PMM2: variants seen among roughly 807,000 people sequenced by gnomAD.
PMM2 encodes the protein mannose-6-phosphate isomerase.
PMM2 carries 35 observed loss-of-function variants against 33.2 expected under a neutral mutation model. The observed-to-expected ratio is 1.06, with a 90% CI of 0.81 to 1.40. PMM2 has a LOEUF of 1.40. Ranked by LOEUF, PMM2 falls within the 40% of genes most tolerant of loss-of-function variation. PMM2 has a pLI of 0.00. For synonymous variants in PMM2, 153 were observed against 114.7 expected (o/e 1.33, Z -2.13); for missense variants, 386 against 306.0 (o/e 1.26, Z -1.95).
chr16:8,804,341 AC>A (rs1555449160), intron 2 of PMM2, among the ~76,000 whole-genome samples: 1 of 151,850 alleles, frequency 6.6e-6, no homozygotes, highest in Non-Finnish European at 1.5e-5. Context: ...ACCGCACCCG[AC>A]CCAAAGAGCT....
At chr16:8,832,812 C>T in intron 7 of PMM2, 4 of 985,442 alleles carry the variant, frequency 4.1e-6, no homozygotes, top group Non-Finnish European at 4.8e-6. Flanking sequence ...CAGCCCCTGC[C>T]CATCCTCCCT....
chr16:8,806,263 GT>G, intron 3 of PMM2, 52 bp from the exon 4 acceptor site: 1 of 1,207,832 alleles, frequency 8.3e-7, no homozygotes, highest in East Asian at 2.3e-5. Context: ...CTATGAAGCT[GT>G]TTTGAAAATG....
chr16:8,847,864 A>G lies in PMM2; in HGVS notation c.*39A>G, dbSNP rs1196244322. 7 of 1,486,578 alleles carry G rather than the reference A, an allele frequency of 4.7e-6. No homozygotes were observed. Among genetic ancestry groups the G allele is most frequent in the Non-Finnish European group, 6.6e-6 (7 of 1,068,590 alleles). The allele number at this position is 1,486,578 out of a possible 1,614,324, so 92.1% of individuals were successfully genotyped here. On this transcript the variant is annotated 3_prime_UTR_variant, in exon 8 of 8. Coordinates refer to ENST00000268261, the MANE Select transcript of PMM2 (RefSeq NM_000303.3). ...GGGGCGGGGTCCCGGCTGACAAGCCAGCATAGGGCATTCGGTGGCCAGAGC... is the reference window on the plus strand; with the variant it reads ...GGGGCGGGGTCCCGGCTGACAAGCCGGCATAGGGCATTCGGTGGCCAGAGC...
Position 8,797,961 on chromosome 16 carries a change from C to G in PMM2, c.66+13C>G. 6.3e-7 allele frequency: 1 copy of G among 1,591,722 alleles called. No individual in the cohort carries two copies. Among genetic ancestry groups the G allele is most frequent in the Non-Finnish European group, 8.5e-7 (1 of 1,170,408 alleles). On this transcript the variant is annotated intron_variant, in intron 1 of 7. Transcript: ENST00000268261. ...CGCCCCGCGGCAGGTAAGTGGCGGC[C>G]GGCGGGCTGCTGGCAGCCGACGCGG...
Position 8,801,771 on chromosome 16 carries a change from C to T in PMM2, c.67-28C>T, listed in dbSNP as rs1201302759. On this transcript the variant is annotated intron_variant, in intron 1 of 7. Transcript: ENST00000268261. ...CTCCTGATTATTGTGTGGCTTATGA[C>T]TGTTGTATTTTCTTTCTTGAAATTT... 2.2e-6 allele frequency: 3 copies of T among 1,349,672 alleles called. No homozygotes were observed. In the East Asian group the frequency reaches 7.3e-5, roughly 33 times the overall value. The allele number at this position is 1,349,672 out of a possible 1,614,324, so 83.6% of individuals were successfully genotyped here. A position where few individuals can be genotyped will look rare whatever the true frequency, so the allele number is the denominator to read the frequency against.
At chr16:8,815,285 T>C (rs901057834) in intron 7 of PMM2, among the ~76,000 whole-genome samples, 4 of 150,316 alleles carry the variant, frequency 2.7e-5, no homozygotes, top group Non-Finnish European at 5.9e-5. Flanking sequence ...AGTGGCACCA[T>C]CTTGGCTCAC....
chr16:8,813,868 T>C (rs1427597736), intron 7 of PMM2, among the ~76,000 whole-genome samples: 2 of 142,968 alleles, frequency 1.4e-5, no homozygotes, highest in East Asian at 4.0e-4. Context: ...TTTTTTTTTT[T>C]TTTTTTTTTT....
chr16:8,847,543 CTCT>C (rs1194098808), intron 7 of PMM2, 178 bp from the exon 8 acceptor site: 7 of 613,836 alleles, frequency 1.1e-5, no homozygotes, highest in South Asian at 1.9e-5. Flanking sequence ...GGTTATAAAT[CTCT>C]TCTTAATAAC....
rs1411310721 is a variant in PMM2 at position 8,847,690 on chromosome 16, G to GACAGACGA, written c.640-34_640-33insACAGACGA. On this transcript the variant is annotated intron_variant, in intron 7 of 7. Coordinates refer to ENST00000268261, the MANE Select transcript of PMM2 (RefSeq NM_000303.3). Reference sequence around the variant, plus strand: ...TCAGCAATGGCCCGGGACAGACGAGGGGGAGCCTTCATCTGTACTTCGTGT... The same window carrying GACAGACGA: ...TCAGCAATGGCCCGGGACAGACGAGGACAGACGAGGGAGCCTTCATCTGTACTTCGTGT... 2.0e-6 allele frequency: 3 copies of GACAGACGA among 1,507,620 alleles called. No individual in the cohort carries two copies. In the African/African-American group the frequency reaches 4.1e-5, roughly 21 times the overall value. 93.4% of individuals were successfully genotyped at this position (1,507,620 alleles called of 1,614,324 possible). A position where few individuals can be genotyped will look rare whatever the true frequency, so the allele number is the denominator to read the frequency against.
In PMM2 at chr16:8,841,490, A is replaced by AG. The variant is rs1266945199; in HGVS notation, c.640-6234_640-6233insG. 6.9e-5 allele frequency among the ~76,000 whole-genome samples: 9 copies of AG among 130,796 alleles called. No individual in the cohort carries two copies. In the East Asian group the frequency reaches 2.0e-3, roughly 30 times the overall value. The allele number at this position is 130,796 out of a possible 152,430, so 85.8% of individuals were successfully genotyped here. Reference sequence around the variant, plus strand: ...TTCAAGCTTGATGTGTAGGGAAGGGAAGGGGCCTGAATAATCCCTGAGGAG... The same window carrying AG: ...TTCAAGCTTGATGTGTAGGGAAGGGAGAGGGGCCTGAATAATCCCTGAGGAG... On this transcript the variant is annotated intron_variant, in intron 7 of 7. Coordinates refer to ENST00000268261, the MANE Select transcript of PMM2 (RefSeq NM_000303.3).
In PMM2 at chr16:8,811,166, C is replaced by A. The variant is rs550231531; in HGVS notation, c.435C>A (p.Tyr145Ter). Reference protein sequence around the residue: ...SCSQEERIEFYELDKKENIRQ... With the variant: ...SCSQEERIEF Reference sequence around the variant, plus strand: ...GCCAAGAAGAACGCATTGAGTTCTACGAACTCGATAAAGTACGTCTTTCTG... The same window carrying A: ...GCCAAGAAGAACGCATTGAGTTCTAAGAACTCGATAAAGTACGTCTTTCTG... The change falls in exon 5 of 8, where the codon TAC becomes TAA. Residue 145 changes from tyrosine to a stop codon, truncating the protein, a stop_gained. Coordinates refer to ENST00000268261, the MANE Select transcript of PMM2 (RefSeq NM_000303.3). LOFTEE classifies it high-confidence loss of function. The A allele has an allele frequency of 6.4e-7, 1 of 1,558,118 alleles. No homozygotes were observed. The highest frequency in any genetic ancestry group is 2.3e-5 in the East Asian group (1 of 42,756).
intron 4 of PMM2, 106 bp downstream of exon 4, chr16:8,806,513 GT>G: frequency 1.3e-6 from 1 of 795,422 alleles, no homozygotes; most frequent in South Asian, 1.4e-5. Flanking sequence ...CACCTAAAGA[GT>G]TTTAAAAACA....
chr16:8,814,510 T>C (rs1705963703), intron 7 of PMM2, among the ~76,000 whole-genome samples: 1 of 152,228 alleles, frequency 6.6e-6, no homozygotes, highest in Admixed American at 6.5e-5. Flanking sequence ...ATGAAAGATT[T>C]GCTTTTCAGC....
Position 8,848,870 on chromosome 16 carries a change from T to A in PMM2, c.*1045T>A, listed in dbSNP as rs1183100139. 2 of 152,272 alleles carry A rather than the reference T, an allele frequency of 1.3e-5. No individual in the cohort carries two copies. The highest frequency in any genetic ancestry group is 2.9e-5 in the Non-Finnish European group (2 of 68,064). The allele number at this position is 152,272 out of a possible 1,614,324, so 9.4% of individuals were successfully genotyped here. A position where few individuals can be genotyped will look rare whatever the true frequency, so the allele number is the denominator to read the frequency against. ...CAGCTAGGTCCGCGTCCCTCACTCT[T>A]TTCATCTTCTGCACGTTCTTCGTGA... On this transcript the variant is annotated 3_prime_UTR_variant, in exon 8 of 8. Transcript: ENST00000268261.
At chr16:8,798,570 A>C (rs72766363) in intron 1 of PMM2, among the ~76,000 whole-genome samples, 28,259 of 151,930 alleles carry the variant, frequency 0.19, 2,864 homozygotes, top group East Asian at 0.33. Context: ...CCTCCACCAC[A>C]CCCATCTCCA....
At chr16:8,805,686 G>A (rs1431457028) in intron 3 of PMM2, among the ~76,000 whole-genome samples, 1 of 151,408 alleles carries the variant, frequency 6.6e-6, no homozygotes, top group African/African-American at 2.4e-5. Flanking sequence ...TCTGCCTCCT[G>A]GGTTCAAATG....
rs1260653508 is a variant in PMM2, at chr16:8,848,718, T to G, written c.*893T>G. ...GCCCCTGGCTGGCTTCCTGGAGGCG[T>G]TCGCCTCTAGTTTCTCAGGGATGGA... On this transcript the variant is annotated 3_prime_UTR_variant, in exon 8 of 8. Transcript: ENST00000268261. 2 of 152,262 alleles carry G rather than the reference T, an allele frequency of 1.3e-5. No homozygotes were observed. Among genetic ancestry groups the G allele is most frequent in the Non-Finnish European group, 2.9e-5 (2 of 68,102 alleles). The allele number at this position is 152,262 out of a possible 1,614,324, so 9.4% of individuals were successfully genotyped here. A position where few individuals can be genotyped will look rare whatever the true frequency, so the allele number is the denominator to read the frequency against.
chr16:8,817,828 A>G (rs919203190), intron 7 of PMM2, among the ~76,000 whole-genome samples: 3 of 152,024 alleles, frequency 2.0e-5, no homozygotes, highest in Non-Finnish European at 4.4e-5. Context: ...GGATCCTTAC[A>G]TGTTGTTTTA....
Position 8,811,689 on chromosome 16 carries a change from G to A in PMM2, c.499G>A (p.Gly167Arg). ...FVADLRKEFA[G>R]KGLTFSIGGQ... ...AGCAGATCTACGGAAAGAGTTTGCT[G>A]GAAAAGGCCTCACGTTTTCCATAGG... The change falls in exon 6 of 8, where the codon GGA becomes AGA. Residue 167 changes from glycine to arginine, a missense_variant. Coordinates refer to ENST00000268261, the MANE Select transcript of PMM2 (RefSeq NM_000303.3). 6.2e-7 allele frequency: 1 copy of A among 1,612,768 alleles called. No individual in the cohort carries two copies. Among genetic ancestry groups the A allele is most frequent in the Non-Finnish European group, 8.5e-7 (1 of 1,178,780 alleles).
Sources: allele counts gnomAD v4.1 joint callset (sites outside exome capture counted in the v4.1 genomes callset), GRCh38; gene constraint gnomAD v4.1.1; transcripts MANE v1.5; gene names NCBI Gene and HGNC (gene_info 2026-07-23, HGNC 2026-07-21).